The following FRK variants were observed in gnomAD, a reference collection of about 807,000 sequenced individuals.
FRK encodes fyn related Src family tyrosine kinase, also known as tyrosine-protein kinase FRK.
In FRK, 51 loss-of-function variants were observed where a neutral mutation model predicts 56.4. The ratio of observed to expected loss-of-function variants is 0.90; its 90% CI spans 0.72 to 1.14. The LOEUF is 1.14. Among genes scored for constraint, FRK ranks in the 50% most tolerant of loss-of-function variants. The probability of loss-of-function intolerance (pLI) is 0.00; values close to 1 mark genes in which losing one functional copy is unlikely to be tolerated. For synonymous variants in FRK, 245 were observed against 217.9 expected (o/e 1.12, Z -1.10); for missense variants, 570 against 601.4 (o/e 0.95, Z 0.55).
At chr6:116,077,000 A>G in the FRK span, among the ~76,000 whole-genome samples, 2 of 152,338 alleles carry the variant, frequency 1.3e-5, no homozygotes, top group African/African-American at 4.8e-5. Flanking sequence ...CAGTTGCCCA[A>G]AGATAATTCC....
intron 5 of FRK, among the ~76,000 whole-genome samples, chr6:115,944,808 G>A (rs1418427789): frequency 6.6e-6 from 1 of 151,986 alleles, no homozygotes; most frequent in Non-Finnish European, 1.5e-5. Flanking sequence ...TTATTGCACA[G>A]ATTATTTCAT....
the FRK span, among the ~76,000 whole-genome samples, chr6:116,097,164 A>G: frequency 2.1e-4 from 32 of 152,370 alleles, no homozygotes; most frequent in African/African-American, 7.5e-4. Context: ...TTCCTCATGC[A>G]GGACTACTGC....
At chr6:115,955,422 G>A (rs1772945783) in intron 5 of FRK, among the ~76,000 whole-genome samples, 1 of 152,114 alleles carries the variant, frequency 6.6e-6, no homozygotes, top group Admixed American at 6.6e-5. Flanking sequence ...GACCACTTCT[G>A]CACTTTGTCC....
intron 1 of FRK, among the ~76,000 whole-genome samples, chr6:116,035,051 CT>C (rs1257737293): frequency 2.0e-5 from 3 of 151,768 alleles, no homozygotes; most frequent in Admixed American, 1.3e-4. Context: ...TATGTTTGAA[CT>C]TTTTTATAAT....
At position 116,023,278 on chromosome 6, in the gene FRK, C is replaced by T. The variant is rs140417678; in HGVS notation, c.345-19280G>A. Among the ~76,000 whole-genome samples the T allele has an allele frequency of 1.3e-5, 2 of 152,252 alleles. 1 individual carries two copies. Among genetic ancestry groups the T allele is most frequent in the East Asian group, 3.9e-4 (2 of 5,188 alleles). The stretch of plus-strand genomic sequence containing the variant: ...CATTGACTCTATGATGCAGCAATTC[C>T]ACTCTTGGGTATTTACTTAAGAAAA... On this transcript the variant is annotated intron_variant, in intron 1 of 7. Transcript: ENST00000606080.
intron 2 of FRK, among the ~76,000 whole-genome samples, chr6:115,997,234 C>T (rs1774874903): frequency 6.6e-6 from 1 of 152,098 alleles, no homozygotes; most frequent in Non-Finnish European, 1.5e-5. Flanking sequence ...ACATGTATTT[C>T]GTTCTGAAAA....
chr6:116,001,511 T>G (rs2114689313), intron 2 of FRK, among the ~76,000 whole-genome samples: 1 of 152,272 alleles, frequency 6.6e-6, no homozygotes, highest in South Asian at 2.1e-4. Context: ...TACTCTGAGT[T>G]TCCTGAAAAT....
chr6:116,037,614 T>C (rs1776536832), intron 1 of FRK, among the ~76,000 whole-genome samples: 1 of 152,246 alleles, frequency 6.6e-6, no homozygotes, highest in South Asian at 2.1e-4. Context: ...CTGCATACTA[T>C]TATCTGTCTA....
intron 2 of FRK, among the ~76,000 whole-genome samples, chr6:115,988,244 A>T (rs1393192188): frequency 2.6e-5 from 4 of 152,106 alleles, no homozygotes; most frequent in Non-Finnish European, 5.9e-5. Flanking sequence ...TTTTAGATAC[A>T]TGGTTTAAAA....
chr6:116,047,956 C>T (rs1165779545), intron 1 of FRK, among the ~76,000 whole-genome samples: 1 of 152,202 alleles, frequency 6.6e-6, no homozygotes, highest in Non-Finnish European at 1.5e-5. Flanking sequence ...TGCAAGGAAG[C>T]ACAAAAAGAT....
chr6:116,056,643 T>C (rs774675468), intron 1 of FRK, among the ~76,000 whole-genome samples: 3 of 152,202 alleles, frequency 2.0e-5, no homozygotes, highest in Non-Finnish European at 2.9e-5. Context: ...TTCCACATCA[T>C]TATTTTTATG....
chr6:116,037,405 A>G (rs1279941619), intron 1 of FRK, among the ~76,000 whole-genome samples: 2 of 152,210 alleles, frequency 1.3e-5, no homozygotes, highest in African/African-American at 4.8e-5. Flanking sequence ...AAATGGGCTT[A>G]ATTCACTTTC....
chr6:115,966,512 G>T (rs1773583395), intron 4 of FRK, among the ~76,000 whole-genome samples: 1 of 152,144 alleles, frequency 6.6e-6, no homozygotes. Flanking sequence ...CACACAGTTT[G>T]GGAACCATGG....
At position 115,935,371 on chromosome 6, in the gene FRK, G is replaced by C. The variant is rs2095781; in HGVS notation, c.*7043C>G. 1.3e-5 allele frequency: 2 copies of C among 152,600 alleles called. No individual in the cohort carries two copies. The highest frequency in any genetic ancestry group is 2.9e-5 in the Non-Finnish European group (2 of 68,356). The allele number at this position is 152,600 out of a possible 1,614,324, so 9.5% of individuals were successfully genotyped here. A position where few individuals can be genotyped will look rare whatever the true frequency, so the allele number is the denominator to read the frequency against. ...ACCTGCAGACCAGGAGATTCCCTCC[G>C]GTGCCTACGCCACTGGGGCCCTGGG... On this transcript the variant is annotated 3_prime_UTR_variant, in exon 8 of 8. Coordinates refer to ENST00000606080, the MANE Select transcript of FRK (RefSeq NM_002031.3).
the FRK span, among the ~76,000 whole-genome samples, chr6:116,068,161 C>T: frequency 6.6e-6 from 1 of 152,110 alleles, no homozygotes; most frequent in East Asian, 1.9e-4. Context: ...AAATATGGAG[C>T]TCTTTAGTTA....
intron 4 of FRK, among the ~76,000 whole-genome samples, chr6:115,967,084 G>C (rs920973415): frequency 3.9e-5 from 6 of 152,082 alleles, no homozygotes; most frequent in Non-Finnish European, 8.8e-5. Context: ...AAGGAAGATG[G>C]AAGGGAAAAA....
intron 2 of FRK, among the ~76,000 whole-genome samples, chr6:115,983,175 C>T (rs1316420511): frequency 6.6e-6 from 1 of 151,938 alleles, no homozygotes; most frequent in African/African-American, 2.4e-5. Context: ...CTCATAACAA[C>T]CTGATGGGGT....
chr6:116,067,088 G>A, the FRK span, among the ~76,000 whole-genome samples: 5 of 152,198 alleles, frequency 3.3e-5, no homozygotes, highest in South Asian at 4.1e-4. Flanking sequence ...CATAAAAAGG[G>A]AAAATTTGGA....
At chr6:115,944,722 T>C in intron 5 of FRK, among the ~76,000 whole-genome samples, 1 of 152,104 alleles carries the variant, frequency 6.6e-6, no homozygotes, top group Middle Eastern at 3.2e-3. Flanking sequence ...TTTTAAAAAA[T>C]TTATTTATCT....
Sources: gnomAD v4.1 joint callset for allele counts (sites outside exome capture counted in the v4.1 genomes callset) on GRCh38, gnomAD v4.1.1 for gene constraint, MANE v1.5 for transcripts, NCBI Gene and HGNC (gene_info 2026-07-23, HGNC 2026-07-21) for gene names.